TTLL13: variants seen among roughly 807,000 people sequenced by gnomAD.
The protein encoded by TTLL13 is tubulin polyglutamylase TTLL13.
chr15:90,252,043 C>CTTTTTTTTTT, the TTLL13 span, among the ~76,000 whole-genome samples: 66 of 133,458 alleles, frequency 4.9e-4, 1 homozygote, highest in Middle Eastern at 3.9e-3. Context: ...TCACCTAATT[C>CTTTTTTTTTT]TTTTTTTTTT....
the TTLL13 span, chr15:90,257,971 G>A: frequency 1.4e-6 from 2 of 1,464,574 alleles, no homozygotes; most frequent in Admixed American, 1.8e-5. Flanking sequence ...GTGTGAGGGA[G>A]CCTCCTGCCT....
At chr15:90,250,547 CT>C in the TTLL13 span, 2 of 1,509,834 alleles carry the variant, frequency 1.3e-6, no homozygotes, top group East Asian at 4.5e-5. Flanking sequence ...TGGTGGATTC[CT>C]TCAGGCCTTC....
At chr15:90,250,561 G>C in the TTLL13 span, 1 of 1,529,870 alleles carries the variant, frequency 6.5e-7, no homozygotes, top group Admixed American at 2.1e-5. Flanking sequence ...AGGCCTTCTA[G>C]GGCCTGAGGG....
chr15:90,262,768 AAG>A, the TTLL13 span: 16 of 1,256,912 alleles, frequency 1.3e-5, no homozygotes, highest in South Asian at 3.2e-5. Flanking sequence ...CCCCATGCAC[AAG>A]AGAGAGAGGA....
the TTLL13 span, among the ~76,000 whole-genome samples, chr15:90,251,114 C>CTTTTTTTTTTTTTTTTTT: frequency 9.6e-6 from 1 of 104,672 alleles, no homozygotes; most frequent in Non-Finnish European, 1.8e-5. Flanking sequence ...CCTGGTCTGT[C>CTTTTTTTTTTTTTTTTTT]TTTTTTTTTT....
At chr15:90,258,036 A>G in the TTLL13 span, 21 of 1,613,622 alleles carry the variant, frequency 1.3e-5, no homozygotes, top group Admixed American at 1.7e-5. Context: ...TGGGCCTCGC[A>G]GGAAGCTGTC....
the TTLL13 span, chr15:90,265,458 T>G: frequency 7.4e-7 from 1 of 1,346,236 alleles, no homozygotes; most frequent in Non-Finnish European, 9.5e-7. Flanking sequence ...CGTACTTTAA[T>G]TAAAGTTTAT....
chr15:90,252,283 C>T, the TTLL13 span, among the ~76,000 whole-genome samples: 1 of 152,022 alleles, frequency 6.6e-6, no homozygotes, highest in Non-Finnish European at 1.5e-5. Context: ...GTGATCCACC[C>T]ACCTCAGCCT....
At chr15:90,257,810 G>T in the TTLL13 span, 1 of 1,335,786 alleles carries the variant, frequency 7.5e-7, no homozygotes, top group Non-Finnish European at 1.1e-6. Context: ...CTCTTGGGAG[G>T]CTAATTGCCC....
the TTLL13 span, chr15:90,256,067 AG>A: frequency 6.3e-7 from 1 of 1,575,830 alleles, no homozygotes. Context: ...ACTAGATAGC[AG>A]GAAGAGCTCC....
chr15:90,255,165 C>T, the TTLL13 span, among the ~76,000 whole-genome samples: 1 of 152,240 alleles, frequency 6.6e-6, no homozygotes, highest in Non-Finnish European at 1.5e-5. Context: ...TCCTGGGTCT[C>T]TGGAATTACC....
chr15:90,262,726 G>A, the TTLL13 span: 1 of 1,413,268 alleles, frequency 7.1e-7, no homozygotes, highest in Non-Finnish European at 9.3e-7. Flanking sequence ...GGGACAACTA[G>A]ATAGGGGAAT....
At chr15:90,259,204 A>G in the TTLL13 span, 1 of 443,504 alleles carries the variant, frequency 2.3e-6, no homozygotes, top group South Asian at 2.4e-5. Flanking sequence ...CCTAAAACAC[A>G]AAAAAGAAAC....
the TTLL13 span, among the ~76,000 whole-genome samples, chr15:90,251,174 C>A: frequency 7.6e-6 from 1 of 131,144 alleles, no homozygotes; most frequent in Non-Finnish European, 1.5e-5. Flanking sequence ...AGTACAGTGG[C>A]GTGATCTCGG....
the TTLL13 span, chr15:90,255,948 T>C: frequency 9.3e-6 from 15 of 1,610,110 alleles, no homozygotes; most frequent in Non-Finnish European, 1.2e-5. Context: ...CTCTCAGAGC[T>C]CTGGTCTTGT....
At chr15:90,262,475 C>A in the TTLL13 span, 1 of 1,465,304 alleles carries the variant, frequency 6.8e-7, no homozygotes, top group Non-Finnish European at 9.0e-7. Flanking sequence ...CTGTCTGAAG[C>A]TGCTGTGTCT....
the TTLL13 span, chr15:90,262,797 T>C: frequency 0.075 from 90,967 of 1,215,330 alleles, 3,922 homozygotes; most frequent in South Asian, 0.11. Flanking sequence ...AATCAGTAAA[T>C]TGAATCCGAT....
At chr15:90,258,653 A>G in the TTLL13 span, 6 of 1,117,146 alleles carry the variant, frequency 5.4e-6, no homozygotes, top group South Asian at 2.6e-5. Flanking sequence ...TGGGAGAGGA[A>G]TATCTTAGAC....
At chr15:90,260,628 G>A in the TTLL13 span, among the ~76,000 whole-genome samples, 340 of 152,204 alleles carry the variant, frequency 2.2e-3, 2 homozygotes, top group African/African-American at 7.7e-3. Context: ...TGAGGTGGGC[G>A]GATCAGGAGG....
Sources: gnomAD v4.1 joint callset for allele counts (sites outside exome capture counted in the v4.1 genomes callset) on GRCh38, gnomAD v4.1.1 for gene constraint, MANE v1.5 for transcripts, NCBI Gene and HGNC (gene_info 2026-07-23, HGNC 2026-07-21) for gene names.